The following SYNDIG1 variants were observed in gnomAD, a reference collection of about 807,000 sequenced individuals.
SYNDIG1 encodes the protein synapse differentiation-inducing gene protein 1.
Under a neutral mutation model 19.4 loss-of-function variants are expected in SYNDIG1, and 9 were observed. The ratio of observed to expected loss-of-function variants is 0.46; its 90% CI spans 0.28 to 0.81. SYNDIG1 has a LOEUF of 0.81. Among genes scored for constraint, SYNDIG1 ranks in the 30% least tolerant of loss-of-function variants. The pLI, the probability that SYNDIG1 is intolerant of heterozygous loss-of-function variation, is 0.12. For synonymous variants in SYNDIG1, 141 were observed against 145.9 expected (o/e 0.97, Z 0.24); for missense variants, 311 against 343.3 (o/e 0.91, Z 0.74).
At chr20:24,552,166 A>G (rs1193452446) in intron 2 of SYNDIG1, among the ~76,000 whole-genome samples, 3 of 152,100 alleles carry the variant, frequency 2.0e-5, no homozygotes, top group Admixed American at 2.0e-4. Context: ...TACATTTATA[A>G]TTGTTATATC....
intron 2 of SYNDIG1, among the ~76,000 whole-genome samples, chr20:24,579,099 A>G (rs960729517): frequency 7.2e-5 from 11 of 152,196 alleles, no homozygotes; most frequent in Admixed American, 2.0e-4. Flanking sequence ...TAACATCAAG[A>G]GAAAAGGGAT....
At chr20:24,651,737 G>A (rs1473697375) in intron 3 of SYNDIG1, among the ~76,000 whole-genome samples, 1 of 152,334 alleles carries the variant, frequency 6.6e-6, no homozygotes, top group East Asian at 1.9e-4. Context: ...TGGCCCCACT[G>A]AGCCACTCGT....
chr20:24,546,302 G>C (rs2057575355), intron 2 of SYNDIG1, among the ~76,000 whole-genome samples: 1 of 152,218 alleles, frequency 6.6e-6, no homozygotes, highest in Admixed American at 6.5e-5. Context: ...AAATAATAAA[G>C]GGTCATGTAT....
intron 3 of SYNDIG1, among the ~76,000 whole-genome samples, chr20:24,626,481 G>A (rs1221480255): frequency 4.6e-5 from 7 of 151,704 alleles, no homozygotes; most frequent in South Asian, 4.2e-4. Flanking sequence ...GACGATGGGC[G>A]GCCGGGCAGA....
intron 1 of SYNDIG1, among the ~76,000 whole-genome samples, chr20:24,516,475 GA>G (rs543440818): frequency 6.6e-6 from 1 of 151,866 alleles, no homozygotes; most frequent in East Asian, 1.9e-4. Context: ...AAATTTACGA[GA>G]AAAAAACAAC....
intron 1 of SYNDIG1, among the ~76,000 whole-genome samples, chr20:24,488,210 C>T (rs1179564099): frequency 1.3e-5 from 2 of 152,200 alleles, no homozygotes; most frequent in South Asian, 2.1e-4. Flanking sequence ...TTCAGCTGGT[C>T]ATTTATTGCT....
intron 3 of SYNDIG1, among the ~76,000 whole-genome samples, chr20:24,649,491 C>T (rs552125258): frequency 7.9e-5 from 12 of 152,310 alleles, no homozygotes; most frequent in African/African-American, 2.4e-4. Flanking sequence ...ACTCAGGGCC[C>T]ATACCTATAG....
chr20:24,563,795 C>T (rs985363000), intron 2 of SYNDIG1, among the ~76,000 whole-genome samples: 3 of 152,084 alleles, frequency 2.0e-5, no homozygotes, highest in African/African-American at 4.8e-5. Flanking sequence ...TTTGTAGAGA[C>T]AGGGTCTGTG....
At chr20:24,663,292 A>G (rs1271301356) in intron 3 of SYNDIG1, among the ~76,000 whole-genome samples, 1 of 152,192 alleles carries the variant, frequency 6.6e-6, no homozygotes, top group Non-Finnish European at 1.5e-5. Flanking sequence ...TTCTTGTTAG[A>G]GCCAAACATA....
At chr20:24,540,381 T>C (rs980430872) in intron 1 of SYNDIG1, among the ~76,000 whole-genome samples, 1 of 152,238 alleles carries the variant, frequency 6.6e-6, no homozygotes, top group Admixed American at 6.5e-5. Context: ...TTCTTTTTCT[T>C]GCCTAATTTC....
chr20:24,499,059 C>G (rs1237801330), intron 1 of SYNDIG1, among the ~76,000 whole-genome samples: 2 of 152,190 alleles, frequency 1.3e-5, no homozygotes, highest in Admixed American at 1.3e-4. Flanking sequence ...GTCTAGCTGT[C>G]GCAAGTGCAG....
intron 2 of SYNDIG1, among the ~76,000 whole-genome samples, chr20:24,561,996 G>A (rs956400337): frequency 6.6e-6 from 1 of 152,240 alleles, no homozygotes; most frequent in East Asian, 1.9e-4. Flanking sequence ...AGATCTGCAT[G>A]TGGATCACTC....
chr20:24,492,334 TGAG>T (rs1385790154), intron 1 of SYNDIG1, among the ~76,000 whole-genome samples: 1 of 152,142 alleles, frequency 6.6e-6, no homozygotes, highest in Non-Finnish European at 1.5e-5. Flanking sequence ...GGCTAGGAGA[TGAG>T]GAGGGTAGGC....
intron 3 of SYNDIG1, among the ~76,000 whole-genome samples, chr20:24,607,967 T>C (rs80316085): frequency 6.6e-6 from 1 of 152,148 alleles, no homozygotes; most frequent in African/African-American, 2.4e-5. Context: ...TAAACACTTT[T>C]CCCGGATGAG....
intron 1 of SYNDIG1, among the ~76,000 whole-genome samples, chr20:24,515,084 A>C (rs2056833091): frequency 2.0e-5 from 3 of 152,250 alleles, no homozygotes; most frequent in Admixed American, 1.3e-4. Flanking sequence ...CAATGAGAAC[A>C]AAGACACAAC....
chr20:24,621,837 A>G (rs2059043330), intron 3 of SYNDIG1, among the ~76,000 whole-genome samples: 1 of 152,236 alleles, frequency 6.6e-6, no homozygotes, highest in African/African-American at 2.4e-5. Context: ...AAATGCCAAG[A>G]GAAGAGGCAA....
At chr20:24,520,915 G>A (rs912707527) in intron 1 of SYNDIG1, among the ~76,000 whole-genome samples, 3 of 151,956 alleles carry the variant, frequency 2.0e-5, no homozygotes, top group African/African-American at 4.8e-5. Flanking sequence ...CATCACCACC[G>A]TCCATCTGCA....
chr20:24,582,130 C>T (rs1382931758), intron 2 of SYNDIG1, among the ~76,000 whole-genome samples: 2 of 123,972 alleles, frequency 1.6e-5, no homozygotes, highest in Admixed American at 8.2e-5. Flanking sequence ...TCCCCCTTCA[C>T]GTCCTCCCTG....
chr20:24,509,646 A>C (rs551514877), intron 1 of SYNDIG1, among the ~76,000 whole-genome samples: 1 of 152,344 alleles, frequency 6.6e-6, no homozygotes, highest in African/African-American at 2.4e-5. Flanking sequence ...AGTAGCCTTA[A>C]TGAATGGCTG....
Sources: gnomAD v4.1 joint callset for allele counts (sites outside exome capture counted in the v4.1 genomes callset) on GRCh38, gnomAD v4.1.1 for gene constraint, MANE v1.5 for transcripts, NCBI Gene and HGNC (gene_info 2026-07-23, HGNC 2026-07-21) for gene names.